Variants in KIF4A observed in about 807,000 individuals in gnomAD.
KIF4A encodes the protein kinesin family member 4A.
In KIF4A, 7 loss-of-function variants were observed where a neutral mutation model predicts 105.9. The ratio of observed to expected loss-of-function variants is 0.07; its 90% CI spans 0.04 to 0.12. The LOEUF (loss-of-function observed/expected upper bound fraction) is 0.12, where lower values mean the gene tolerates loss of function less well. Ranked by LOEUF, KIF4A falls within the 10% of genes least tolerant of loss-of-function variation. The pLI, the probability that KIF4A is intolerant of heterozygous loss-of-function variation, is 1.00. For missense variants in KIF4A, 558 were observed against 929.2 expected, an observed-to-expected ratio of 0.60 and a Z score of 5.19; for synonymous variants, 281 against 331.3, an observed-to-expected ratio of 0.85 and a Z score of 1.65.
chrX:70,303,378 A>C (rs1194027764), intron 7 of KIF4A, among the ~76,000 whole-genome samples: 1 of 112,265 alleles, frequency 8.9e-6, no homozygotes, highest in Non-Finnish European at 1.9e-5. Flanking sequence ...AAGATATTTG[A>C]ACTCTTATTA....
chrX:70,335,517 G>A (rs1190085479), intron 10 of KIF4A, among the ~76,000 whole-genome samples: 2 of 112,121 alleles, frequency 1.8e-5, no homozygotes, highest in African/African-American at 6.5e-5. Context: ...ACTTAAAGGT[G>A]ATTAAGATGG....
chrX:70,364,098 T>C (rs2086090033), intron 15 of KIF4A, among the ~76,000 whole-genome samples: 1 of 112,281 alleles, frequency 8.9e-6, no homozygotes, highest in African/African-American at 3.2e-5. Context: ...TTTGTTTTTT[T>C]CTTGTAAATT....
At chrX:70,382,689 A>G (rs991147951) in intron 18 of KIF4A, among the ~76,000 whole-genome samples, 2 of 110,275 alleles carry the variant, frequency 1.8e-5, no homozygotes, top group African/African-American at 6.6e-5. Flanking sequence ...ATGGTGGCTC[A>G]TGCCTGTAAT....
intron 10 of KIF4A, among the ~76,000 whole-genome samples, chrX:70,336,860 A>G (rs994661210): frequency 1.8e-5 from 2 of 111,548 alleles, no homozygotes; most frequent in African/African-American, 6.5e-5. Context: ...AATTTTTTTC[A>G]TCTTGCAGAA....
At chrX:70,349,374 A>C (rs2086012847) in intron 13 of KIF4A, among the ~76,000 whole-genome samples, 1 of 87,712 alleles carries the variant, frequency 1.1e-5, no homozygotes, top group Non-Finnish European at 2.2e-5. Context: ...GGCGCTCCTC[A>C]CCTCCCAGAC....
At chrX:70,418,255 C>A (rs1285764375) in intron 29 of KIF4A, among the ~76,000 whole-genome samples, 1 of 111,673 alleles carries the variant, frequency 9.0e-6, no homozygotes, top group Non-Finnish European at 1.9e-5. Context: ...CTCCCCACCC[C>A]CAGGCTTGGC....
At chrX:70,356,225 G>A (rs1803703026) in intron 15 of KIF4A, among the ~76,000 whole-genome samples, 1 of 110,729 alleles carries the variant, frequency 9.0e-6, no homozygotes, top group Non-Finnish European at 1.9e-5. Context: ...AGGCTGCAGT[G>A]AGCTGAGATC....
rs1337290725 is a variant in KIF4A, at chrX:70,371,208, C to CTAG, written c.1675-2943_1675-2942insTAG. 2.9e-5 allele frequency among the ~76,000 whole-genome samples: 3 copies of CTAG among 103,113 alleles called. No individual in the cohort carries two copies. In the Admixed American group the frequency reaches 3.3e-4, roughly 11 times the overall value. 89.5% of individuals were successfully genotyped at this position (103,113 alleles called of 115,157 possible). A position where few individuals can be genotyped will look rare whatever the true frequency, so the allele number is the denominator to read the frequency against. ...GGATGGAATTTGGGTTTTCCACTGT[C>CTAG]AAACTTCAGTTTCTAGACTTCGTTT... On this transcript the variant is annotated intron_variant, in intron 15 of 30. Coordinates refer to ENST00000374403, the MANE Select transcript of KIF4A (RefSeq NM_012310.5).
intron 13 of KIF4A, among the ~76,000 whole-genome samples, chrX:70,345,163 G>A (rs1410934632): frequency 1.8e-5 from 2 of 112,102 alleles, no homozygotes; most frequent in Non-Finnish European, 3.8e-5. Flanking sequence ...GATTCAAATA[G>A]GGGTTAAAAG....
chrX:70,290,874 T>G (rs2085757555), intron 3 of KIF4A, 69 bp downstream of exon 3: 2 of 724,187 alleles, frequency 2.8e-6, no homozygotes, highest in Non-Finnish European at 4.2e-6. Context: ...CCAAGCACTG[T>G]GCTTGGGCAC....
At chrX:70,383,485 A>C (rs2086205849) in intron 18 of KIF4A, among the ~76,000 whole-genome samples, 1 of 112,223 alleles carries the variant, frequency 8.9e-6, no homozygotes, top group Admixed American at 9.5e-5. Context: ...CAAAAGGCTA[A>C]ATAAAAACGT....
intron 20 of KIF4A, among the ~76,000 whole-genome samples, chrX:70,393,353 A>T (rs2086244728): frequency 9.0e-6 from 1 of 111,436 alleles, no homozygotes; most frequent in African/African-American, 3.3e-5. Context: ...GGCCCAGAGT[A>T]TGATCAATCT....
intron 18 of KIF4A, among the ~76,000 whole-genome samples, chrX:70,382,431 A>C (rs1186852121): frequency 1.8e-5 from 2 of 111,963 alleles, no homozygotes; most frequent in Non-Finnish European, 3.8e-5. Flanking sequence ...ACTCTGTCTC[A>C]AAAAGAAACT....
intron 10 of KIF4A, among the ~76,000 whole-genome samples, chrX:70,335,537 T>C (rs1397789383): frequency 8.9e-6 from 1 of 112,561 alleles, no homozygotes; most frequent in Non-Finnish European, 1.9e-5. Flanking sequence ...GTAAGTTTTA[T>C]GTTTATATGT....
intron 7 of KIF4A, among the ~76,000 whole-genome samples, chrX:70,318,050 C>A (rs2085876768): frequency 9.1e-6 from 1 of 109,544 alleles, no homozygotes; most frequent in Non-Finnish European, 1.9e-5. Context: ...GCTAATTTTT[C>A]TATTTTTAGT....
chrX:70,398,743 G>A (rs2086269609), intron 22 of KIF4A, among the ~76,000 whole-genome samples: 1 of 112,104 alleles, frequency 8.9e-6, no homozygotes. Context: ...AAGACAGACT[G>A]TAAGCTTGTT....
At position 70,362,310 on chromosome X, in the gene KIF4A, G is replaced by A. The variant is rs144267082; in HGVS notation, c.1674+8503G>A. ...GTACTGGAAACTCAGCTCTTTCTCC[G>A]TGGGGGTGCTGCGGATGTAGAGAGG... On this transcript the variant is annotated intron_variant, in intron 15 of 30. Coordinates refer to ENST00000374403, the MANE Select transcript of KIF4A (RefSeq NM_012310.5). 7.6e-4 allele frequency: 251 copies of A among 332,039 alleles called. 1 individual carries two copies. The highest frequency in any genetic ancestry group is 6.0e-3 in the African/African-American group (224 of 37,329). The allele number at this position is 332,039 out of a possible 1,213,427, so 27.4% of individuals were successfully genotyped here.
intron 15 of KIF4A, among the ~76,000 whole-genome samples, chrX:70,358,757 A>G (rs2086062100): frequency 8.9e-6 from 1 of 112,399 alleles, no homozygotes; most frequent in Admixed American, 9.4e-5. Flanking sequence ...AAAAGCCAAT[A>G]GCAAGTTGTA....
intron 29 of KIF4A, 44 bp from the exon 30 acceptor site, chrX:70,419,617 C>A (rs781219664): frequency 8.3e-7 from 1 of 1,206,236 alleles, no homozygotes; most frequent in Non-Finnish European, 1.1e-6. Flanking sequence ...ATTTTGTAAA[C>A]CTGGCAGCCA....
Sources: allele counts gnomAD v4.1 joint callset (sites outside exome capture counted in the v4.1 genomes callset), GRCh38; gene constraint gnomAD v4.1.1; transcripts MANE v1.5; gene names NCBI Gene and HGNC (gene_info 2026-07-23, HGNC 2026-07-21).